TRIM62: variants seen among roughly 807,000 people sequenced by gnomAD.
TRIM62 encodes the protein tripartite motif containing 62.
Under a neutral mutation model 44.2 loss-of-function variants are expected in TRIM62, and 39 were observed. The observed-to-expected ratio is 0.88, with a 90% CI of 0.68 to 1.15. TRIM62 has a LOEUF of 1.15. Ranked by LOEUF, TRIM62 falls within the 50% of genes most tolerant of loss-of-function variation. The pLI, the probability that TRIM62 is intolerant of heterozygous loss-of-function variation, is 0.00. For synonymous variants in TRIM62, 278 were observed against 292.3 expected (o/e 0.95, Z 0.50); for missense variants, 544 against 665.5 (o/e 0.82, Z 2.01).
intron 1 of TRIM62, among the ~76,000 whole-genome samples, chr1:33,170,159 G>A (rs1259857837): frequency 6.6e-6 from 1 of 151,944 alleles, no homozygotes; most frequent in Non-Finnish European, 1.5e-5. Context: ...GCAAAACCCC[G>A]TCTCTACTAA....
chr1:33,176,369 G>A lies in TRIM62; in HGVS notation c.408+4656C>T, dbSNP rs760774599. The A allele has an allele frequency of 4.5e-5, 30 of 673,068 alleles. 1 individual carries two copies. The highest frequency in any genetic ancestry group is 4.2e-4 in the South Asian group (28 of 65,884). 41.7% of individuals were successfully genotyped at this position (673,068 alleles called of 1,614,324 possible). Reference sequence around the variant, plus strand: ...CCCCCAGCCCCCTCCCTCCTTGGGTGGCTGCCTTGGTGTCACTGGATCACC... The same window carrying A: ...CCCCCAGCCCCCTCCCTCCTTGGGTAGCTGCCTTGGTGTCACTGGATCACC... On this transcript the variant is annotated intron_variant, in intron 1 of 4. Coordinates refer to ENST00000291416, the MANE Select transcript of TRIM62 (RefSeq NM_018207.3).
Position 33,181,642 on chromosome 1 carries a change from C to G in TRIM62, c.-210G>C, listed in dbSNP as rs549017596. The G allele has an allele frequency of 3.4e-6, 3 of 892,582 alleles. No individual in the cohort carries two copies. The highest frequency in any genetic ancestry group is 3.6e-5 in the African/African-American group (2 of 56,264). The allele number at this position is 892,582 out of a possible 1,614,324, so 55.3% of individuals were successfully genotyped here. ...GCTGAGACTCCGTGGGACGCCAGCC[C>G]GGGAGGGCAGTCTAGAGGTAGTGGG... On this transcript the variant is annotated 5_prime_UTR_variant, in exon 1 of 5. Coordinates refer to ENST00000291416, the MANE Select transcript of TRIM62 (RefSeq NM_018207.3). The surrounding 1 kb of genome is among the most constrained non-coding windows in gnomAD (Gnocchi z 6.5).
intron 4 of TRIM62, among the ~76,000 whole-genome samples, chr1:33,151,012 G>A (rs1645089236): frequency 6.6e-6 from 1 of 152,110 alleles, no homozygotes; most frequent in Non-Finnish European, 1.5e-5. Context: ...AAGGACTGGT[G>A]CGGGGCGGGG....
At position 33,147,215 on chromosome 1, in the gene TRIM62, T is replaced by C. The variant is rs1645031882; in HGVS notation, c.1390A>G (p.Asn464Asp). 4 of 1,613,874 alleles carry C rather than the reference T, an allele frequency of 2.5e-6. No homozygotes were observed. Among genetic ancestry groups the C allele is most frequent in the African/African-American group, 1.3e-5 (1 of 75,008 alleles). ...GTGTTGATCCGCAGCGGCTGAACGT[T>C]CTTGCCATTGGCGTGGCTCTGGCCA... ...SPGQSHANGKNVQPLRINTVR... is the reference protein window; with the variant it reads ...SPGQSHANGKDVQPLRINTVR... The change falls in exon 5 of 5, where the codon AAC becomes GAC. Residue 464 changes from asparagine to aspartate, a missense_variant. Asn to Asp is a conservative substitution (Grantham distance 23). Transcript: ENST00000291416. The surrounding 1 kb of genome is among the most constrained non-coding windows in gnomAD (Gnocchi z 8.1).
rs546255676 is a variant in TRIM62 at position 33,178,925 on chromosome 1, C to T, written c.408+2100G>A. On this transcript the variant is annotated intron_variant, in intron 1 of 4. Transcript: ENST00000291416. Reference sequence around the variant, plus strand: ...TAATTTGGATTTCCTGGTTTGCAGACAGGAGAACCAAGGCTCTGAAGCAGA... The same window carrying T: ...TAATTTGGATTTCCTGGTTTGCAGATAGGAGAACCAAGGCTCTGAAGCAGA... Among the ~76,000 whole-genome samples the T allele has an allele frequency of 3.3e-5, 5 of 152,338 alleles. No homozygotes were observed. The South Asian group carries it at 1.0e-3, about 32-fold the overall frequency.
chr1:33,175,031 T>TATGTATATGTATATGTATATGTATATGTA lies in TRIM62; in HGVS notation c.408+5993_408+5994insTACATATACATATACATATACATATACAT, dbSNP rs1161088243. On this transcript the variant is annotated intron_variant, in intron 1 of 4. Transcript: ENST00000291416. ...TATATGTATATGTATATGTATATGT[T>TATGTATATGTATATGTATATGTATATGTA]TATGTATATGTATATGTATTTTTTT... is the stretch of plus-strand genomic sequence containing the variant. Among the ~76,000 whole-genome samples, 271 of 147,148 alleles carry TATGTATATGTATATGTATATGTATATGTA rather than the reference T, an allele frequency of 1.8e-3. 1 individual carries two copies. The highest frequency in any genetic ancestry group is 6.0e-3 in the African/African-American group (235 of 39,068).
chr1:33,179,346 A>T (rs1004757434), intron 1 of TRIM62, among the ~76,000 whole-genome samples: 1 of 152,168 alleles, frequency 6.6e-6, no homozygotes, highest in African/African-American at 2.4e-5. Context: ...ACAGGGAAGG[A>T]GCGATGGTGA....
Position 33,145,744 on chromosome 1 carries a change from G to T in TRIM62, c.*1433C>A. The T allele has an allele frequency of 2.5e-6, 1 of 405,414 alleles. No homozygotes were observed. The highest frequency in any genetic ancestry group is 5.1e-6 in the Non-Finnish European group (1 of 196,060). The allele number at this position is 405,414 out of a possible 1,614,324, so 25.1% of individuals were successfully genotyped here. On this transcript the variant is annotated 3_prime_UTR_variant, in exon 5 of 5. Transcript: ENST00000291416. The stretch of plus-strand genomic sequence containing the variant: ...GTTCCCACCTCTGGGCAGGGATAGA[G>T]CCAAGGGGCAGGACAACCCTAGATG...
intron 4 of TRIM62, among the ~76,000 whole-genome samples, chr1:33,155,883 C>T (rs1226012574): frequency 6.6e-6 from 1 of 152,198 alleles, no homozygotes; most frequent in Non-Finnish European, 1.5e-5. Flanking sequence ...CTACTAGAAA[C>T]CTGTTTCAGA....
At position 33,181,514 on chromosome 1, in the gene TRIM62, G is replaced by T; in HGVS notation, c.-82C>A. The T allele has an allele frequency of 4.8e-6, 7 of 1,463,646 alleles. No homozygotes were observed. The highest frequency in any genetic ancestry group is 6.3e-6 in the Non-Finnish European group (7 of 1,118,254). 90.7% of individuals were successfully genotyped at this position (1,463,646 alleles called of 1,614,324 possible). Reference sequence around the variant, plus strand: ...GCGGCGCTGTCGGAGGCAGCACCGAGGGCTGGGCGCGGGGACGAGGCCCGC... The same window carrying T: ...GCGGCGCTGTCGGAGGCAGCACCGATGGCTGGGCGCGGGGACGAGGCCCGC... On this transcript the variant is annotated 5_prime_UTR_variant, in exon 1 of 5. Coordinates refer to ENST00000291416, the MANE Select transcript of TRIM62 (RefSeq NM_018207.3). This position sits in a 1 kb window ranked among gnomAD's most constrained non-coding sequence, Gnocchi z 6.5.
intron 1 of TRIM62, chr1:33,176,354 C>T: frequency 1.2e-5 from 8 of 661,702 alleles, no homozygotes; most frequent in South Asian, 1.1e-4. Flanking sequence ...CCCCCAGCCC[C>T]CTCCCTCCTT....
intron 1 of TRIM62, among the ~76,000 whole-genome samples, chr1:33,166,904 A>G (rs1173547389): frequency 6.6e-6 from 1 of 152,044 alleles, no homozygotes; most frequent in Non-Finnish European, 1.5e-5. Context: ...TTTTGCATTA[A>G]TTTTGATTTA....
Position 33,161,592 on chromosome 1 carries a change from G to A in TRIM62, c.505-1648C>T, listed in dbSNP as rs72885927. Reference sequence around the variant, plus strand: ...CACCCAGAACGCCAGGCAGACAAAGGGGGGCGGACGAGAGTCTGGGGATGC... The same window carrying A: ...CACCCAGAACGCCAGGCAGACAAAGAGGGGCGGACGAGAGTCTGGGGATGC... On this transcript the variant is annotated intron_variant, in intron 2 of 4. Coordinates refer to ENST00000291416, the MANE Select transcript of TRIM62 (RefSeq NM_018207.3). This position sits in a 1 kb window ranked among gnomAD's most constrained non-coding sequence, Gnocchi z 4.3. Among the ~76,000 whole-genome samples the A allele has an allele frequency of 0.013, 2,000 of 152,274 alleles. 43 individuals are homozygous for A. Among genetic ancestry groups the A allele is most frequent in the African/African-American group, 0.046 (1,928 of 41,550 alleles).
At chr1:33,176,359 C>G (rs1383281373) in intron 1 of TRIM62, 1 of 670,420 alleles carries the variant, frequency 1.5e-6, no homozygotes, top group Admixed American at 2.0e-5. Flanking sequence ...AGCCCCCTCC[C>G]TCCTTGGGTG....
intron 1 of TRIM62, chr1:33,176,677 C>T: frequency 2.4e-6 from 1 of 410,972 alleles, no homozygotes; most frequent in East Asian, 3.5e-5. Flanking sequence ...GGCTGGGAGA[C>T]AATTACCCAG....
intron 1 of TRIM62, chr1:33,176,455 A>T (rs1454269737): frequency 1.4e-6 from 1 of 696,430 alleles, no homozygotes; most frequent in Non-Finnish European, 2.6e-6. Context: ...TCTGGCATGA[A>T]GGAAGCCTTG....
At position 33,161,510 on chromosome 1, in the gene TRIM62, C is replaced by T. The variant is rs993057157; in HGVS notation, c.505-1566G>A. On this transcript the variant is annotated intron_variant, in intron 2 of 4. Transcript: ENST00000291416. This position sits in a 1 kb window ranked among gnomAD's most constrained non-coding sequence, Gnocchi z 4.3. Reference sequence around the variant, plus strand: ...TAGGGCCTGTTCCCTCCCCGACGCGCGGCTGCTGGCCTGCAGGAAGAACTG... The same window carrying T: ...TAGGGCCTGTTCCCTCCCCGACGCGTGGCTGCTGGCCTGCAGGAAGAACTG... Among the ~76,000 whole-genome samples the T allele has an allele frequency of 1.3e-5, 2 of 152,184 alleles. No individual in the cohort carries two copies. The highest frequency in any genetic ancestry group is 4.8e-5 in the African/African-American group (2 of 41,456).
chr1:33,176,090 A>G (rs1159737383), intron 1 of TRIM62, among the ~76,000 whole-genome samples: 2 of 152,186 alleles, frequency 1.3e-5, no homozygotes. Flanking sequence ...TGCTGTTGGC[A>G]TAGAAATCCT....
chr1:33,159,780 G>A lies in TRIM62; in HGVS notation c.669C>T (p.Arg223=). The A allele has an allele frequency of 6.2e-7, 1 of 1,613,810 alleles. No homozygotes were observed. The highest frequency in any genetic ancestry group is 8.5e-7 in the Non-Finnish European group (1 of 1,179,990). The change falls in exon 3 of 5, where the codon CGC becomes CGT. Residue 223 remains arginine, a synonymous_variant. Transcript: ENST00000291416. The surrounding 1 kb of genome is among the most constrained non-coding windows in gnomAD (Gnocchi z 4.2). ...QKVQRYSQQL[R]KVQEGAQILQ... is the part of the protein sequence containing the mutation. ...GGATCTGGGCTCCCTCCTGGACCTT[G>A]CGCAGCTGCTGGCTGTAGCGCTGGA...
Sources: allele counts gnomAD v4.1 joint callset (sites outside exome capture counted in the v4.1 genomes callset), GRCh38; gene constraint gnomAD v4.1.1; non-coding constraint Gnocchi (gnomAD v3.1); transcripts MANE v1.5; gene names NCBI Gene and HGNC (gene_info 2026-07-23, HGNC 2026-07-21).